Variants in SECISBP2L observed in about 807,000 individuals in gnomAD.
The protein encoded by SECISBP2L is selenocysteine insertion sequence-binding protein 2-like.
In SECISBP2L, 43 loss-of-function variants were observed where a neutral mutation model predicts 114.7. That is an observed-to-expected ratio of 0.38 (90% confidence interval 0.29 to 0.48). SECISBP2L has a LOEUF of 0.48. Ranked by LOEUF, SECISBP2L falls within the 20% of genes least tolerant of loss-of-function variation. SECISBP2L has a pLI of 0.98. For missense variants in SECISBP2L, 1,136 were observed against 1,301.1 expected (o/e 0.87, Z 1.95); for synonymous variants, 451 against 439.7 (o/e 1.03, Z -0.32).
At chr15:49,001,190 T>C (rs1902200000) in intron 14 of SECISBP2L, 93 bp from the exon 15 acceptor site, 1 of 784,332 alleles carries the variant, frequency 1.3e-6, no homozygotes, top group South Asian at 2.0e-5. Flanking sequence ...AGAGAAAATA[T>C]ATATGGTAAG....
chr15:48,996,705 T>C (rs991242294), intron 16 of SECISBP2L, 119 bp from the exon 17 acceptor site: 5 of 812,324 alleles, frequency 6.2e-6, no homozygotes, highest in Non-Finnish European at 9.8e-6. Context: ...GAGGACAAAA[T>C]CCAAATGGTA....
In SECISBP2L at chr15:49,037,600, T is replaced by C; in HGVS notation, c.194A>G (p.Gln65Arg). 6.2e-7 allele frequency: 1 copy of C among 1,612,964 alleles called. No homozygotes were observed. The highest frequency in any genetic ancestry group is 1.1e-5 in the South Asian group (1 of 90,438). ...AAAATAAACAAATTACCTATTGGAC[T>C]GGTTTTCCTGCACAAATGGGTAACA... ...ITCYPFVQEN[Q>R]SNRQFPLYNN... The change falls in exon 2 of 18, where the codon CAG (glutamine) becomes CGG (arginine). Residue 65 changes from glutamine to arginine, a missense_variant. By Grantham distance (43) the Gln-to-Arg change is conservative. Coordinates refer to ENST00000559471, the MANE Select transcript of SECISBP2L (RefSeq NM_001193489.2).
intron 3 of SECISBP2L, among the ~76,000 whole-genome samples, chr15:49,034,724 G>A (rs1042227271): frequency 6.2e-5 from 9 of 145,320 alleles, no homozygotes. Context: ...GAGTGTAGTG[G>A]TGCTATCTCA....
Position 49,022,342 on chromosome 15 carries a change from G to A in SECISBP2L, c.1036-2790C>T, listed in dbSNP as rs150508226. Reference sequence around the variant, plus strand: ...AAGCCAGGTGCGGTGGCTCATGCCTGTAATCCCAGCACTTTGGGAGGCTGA... The same window carrying A: ...AAGCCAGGTGCGGTGGCTCATGCCTATAATCCCAGCACTTTGGGAGGCTGA... On this transcript the variant is annotated intron_variant, in intron 7 of 17. Coordinates refer to ENST00000559471, the MANE Select transcript of SECISBP2L (RefSeq NM_001193489.2). Among the ~76,000 whole-genome samples the A allele has an allele frequency of 4.5e-3, 683 of 152,330 alleles. 4 individuals carry two copies. The highest frequency in any genetic ancestry group is 6.9e-3 in the Non-Finnish European group (468 of 68,026).
At chr15:49,016,506 T>G in intron 11 of SECISBP2L, 54 bp downstream of exon 11, 1 of 1,540,140 alleles carries the variant, frequency 6.5e-7, no homozygotes, top group Non-Finnish European at 8.7e-7. Context: ...ATTAACAACA[T>G]CTAACATATA....
intron 11 of SECISBP2L, among the ~76,000 whole-genome samples, chr15:49,015,584 C>T (rs1310109499): frequency 1.3e-5 from 2 of 152,122 alleles, no homozygotes; most frequent in African/African-American, 4.8e-5. Context: ...CTTTCCTGTT[C>T]CTTTGTTCTA....
intron 6 of SECISBP2L, 90 bp downstream of exon 6, chr15:49,028,054 G>T: frequency 8.7e-7 from 1 of 1,145,264 alleles, no homozygotes; most frequent in Non-Finnish European, 1.2e-6. Context: ...AGTTTTTTTT[G>T]CAGTATCAGC....
chr15:49,011,587 A>G, intron 13 of SECISBP2L, 144 bp downstream of exon 13: 3 of 975,582 alleles, frequency 3.1e-6, no homozygotes, highest in Middle Eastern at 2.8e-4. Context: ...CATCTTTAAA[A>G]GAAACCACTC....
chr15:49,019,625 C>T, intron 7 of SECISBP2L, 73 bp from the exon 8 acceptor site: 1 of 1,234,406 alleles, frequency 8.1e-7, no homozygotes, highest in Non-Finnish European at 1.0e-6. Flanking sequence ...ATATAACATA[C>T]TGGCAGAAAA....
chr15:49,027,404 A>C lies in SECISBP2L; in HGVS notation c.996T>G (p.Ser332=). The C allele has an allele frequency of 6.2e-7, 1 of 1,611,254 alleles. No individual in the cohort carries two copies. Reference sequence around the variant, plus strand: ...TTTGTTCAGTTTGCCTTCCACCTCTAGAAAATGTCTGATTTTTTTCCATCC... The same window carrying C: ...TTTGTTCAGTTTGCCTTCCACCTCTCGAAAATGTCTGATTTTTTTCCATCC... ...KPWMEKNQTF[S]RGGRQTEQRN... The change falls in exon 7 of 18, where the codon TCT becomes TCG. Residue 332 remains serine, a synonymous_variant. Transcript: ENST00000559471.
In SECISBP2L at chr15:49,012,797, G is replaced by C; in HGVS notation, c.1582C>G (p.His528Asp). The change falls in exon 12 of 18, where the codon CAC becomes GAC. Residue 528 changes from histidine (H) to aspartate (D), a missense_variant. Around this residue, in one of 2 missense-constraint regions of SECISBP2L, gnomAD observed 684 missense variants for 848.7 expected, o/e 0.81. Transcript: ENST00000559471. ...SYTVVTAASF[H>D]TKDSTNRKPL... ...TTTCTATTAGTAGAGTCTTTAGTGT[G>C]AAAAGAAGCTGCAGTAACCACTAAA... 2.5e-6 allele frequency: 4 copies of C among 1,611,680 alleles called. No individual in the cohort carries two copies. Among genetic ancestry groups the C allele is most frequent in the Non-Finnish European group, 3.4e-6 (4 of 1,179,424 alleles).
intron 14 of SECISBP2L, among the ~76,000 whole-genome samples, chr15:49,007,109 G>A (rs1228512735): frequency 2.0e-5 from 3 of 152,102 alleles, no homozygotes; most frequent in African/African-American, 4.8e-5. Flanking sequence ...CTTTTTGCCT[G>A]GGTATCACCA....
At chr15:48,999,168 G>A (rs549168077) in intron 16 of SECISBP2L, among the ~76,000 whole-genome samples, 2 of 152,272 alleles carry the variant, frequency 1.3e-5, no homozygotes, top group African/African-American at 4.8e-5. Flanking sequence ...TGCAAACATG[G>A]TGACTGGATA....
intron 1 of SECISBP2L, among the ~76,000 whole-genome samples, chr15:49,040,404 G>A (rs1008298067): frequency 3.3e-5 from 5 of 151,926 alleles, no homozygotes; most frequent in African/African-American, 1.2e-4. Context: ...TTCTCCTATA[G>A]CTACAACTCT....
At chr15:49,025,195 A>G (rs1297761022) in intron 7 of SECISBP2L, among the ~76,000 whole-genome samples, 2 of 152,214 alleles carry the variant, frequency 1.3e-5, no homozygotes, top group African/African-American at 4.8e-5. Flanking sequence ...CTTGCCATAA[A>G]TGATTTATTT....
intron 16 of SECISBP2L, among the ~76,000 whole-genome samples, chr15:48,998,623 G>T (rs1219259843): frequency 6.6e-6 from 1 of 152,188 alleles, no homozygotes; most frequent in African/African-American, 2.4e-5. Context: ...TAGGATCAAG[G>T]AATTAAAGCC....
chr15:49,009,363 A>T lies in SECISBP2L; in HGVS notation c.1880T>A (p.Met627Lys). The T allele has an allele frequency of 6.2e-7, 1 of 1,613,884 alleles. No individual in the cohort carries two copies. The highest frequency in any genetic ancestry group is 8.5e-7 in the Non-Finnish European group (1 of 1,179,894). The change falls in exon 14 of 18, where the codon ATG (methionine) becomes AAG (lysine). Residue 627 changes from methionine to lysine, a missense_variant. By Grantham distance (95) the Met-to-Lys change is moderately conservative. Coordinates refer to ENST00000559471, the MANE Select transcript of SECISBP2L (RefSeq NM_001193489.2). ...IVSQEDTGLS[M>K]PSDTSLSPAS... ...TGGAGAGAGTGAAGTATCACTGGGC[A>T]TGCTTAGTCCAGTATCTGTGGAGAT... is the stretch of plus-strand genomic sequence containing the variant.
intron 8 of SECISBP2L, 63 bp downstream of exon 8, chr15:49,019,355 A>T (rs1902596528): frequency 7.9e-7 from 1 of 1,262,302 alleles, no homozygotes; most frequent in Non-Finnish European, 1.0e-6. Context: ...ACAATGTAAC[A>T]AATTAATTTC....
intron 15 of SECISBP2L, among the ~76,000 whole-genome samples, chr15:49,000,206 G>C (rs1902173445): frequency 6.6e-6 from 1 of 151,986 alleles, no homozygotes; most frequent in Admixed American, 6.5e-5. Context: ...CTCAAATCCA[G>C]TATTTTTCTT....
Sources: gnomAD v4.1 joint callset for allele counts (sites outside exome capture counted in the v4.1 genomes callset) on GRCh38, gnomAD v4.1.1 for gene constraint, gnomAD v4.1.1 regional missense constraint, MANE v1.5 for transcripts, NCBI Gene and HGNC (gene_info 2026-07-23, HGNC 2026-07-21) for gene names.